Variants in JHY observed in about 807,000 individuals in gnomAD.
JHY encodes junctional cadherin complex regulator.
In JHY, 69 loss-of-function variants were observed where a neutral mutation model predicts 78.0. The ratio of observed to expected loss-of-function variants is 0.88; its 90% CI spans 0.73 to 1.08. The LOEUF is 1.08. JHY is among the 50% of genes least tolerant of loss of function. The pLI is 0.00. For synonymous variants in JHY, 368 were observed against 342.6 expected (o/e 1.07, Z -0.82); for missense variants, 944 against 927.8 (o/e 1.02, Z -0.23).
rs377280268 is a variant in JHY at position 122,933,469 on chromosome 11, A to G, written c.979-951A>G. Among the ~76,000 whole-genome samples, 13 of 152,246 alleles carry G rather than the reference A, an allele frequency of 8.5e-5. No homozygotes were observed. The East Asian group carries it at 1.5e-3, about 18-fold the overall frequency. Reference sequence around the variant, plus strand: ...TCCTTGGAAAATATTTCTAAATGGCAATAGCACAATATAGTTACATAGTGT... The same window carrying G: ...TCCTTGGAAAATATTTCTAAATGGCGATAGCACAATATAGTTACATAGTGT... On this transcript the variant is annotated intron_variant, in intron 4 of 8. Coordinates refer to ENST00000227349, the MANE Select transcript of JHY (RefSeq NM_024806.4).
intron 8 of JHY, 30 bp from the exon 9 acceptor site, chr11:122,959,218 T>G (rs1464324058): frequency 6.3e-7 from 1 of 1,588,010 alleles, no homozygotes; most frequent in African/African-American, 1.4e-5. Flanking sequence ...ACTTCCCATT[T>G]CAAATAAAAT....
In JHY at chr11:122,935,245, T is replaced by C. The variant is rs1198920737; in HGVS notation, c.1634+170T>C. Among the ~76,000 whole-genome samples the C allele has an allele frequency of 1.3e-5, 2 of 151,994 alleles. No homozygotes were observed. Among genetic ancestry groups the C allele is most frequent in the African/African-American group, 4.8e-5 (2 of 41,378 alleles). On this transcript the variant is annotated intron_variant, in intron 5 of 8. Coordinates refer to ENST00000227349, the MANE Select transcript of JHY (RefSeq NM_024806.4). This position sits in a 1 kb window ranked among gnomAD's most constrained non-coding sequence, Gnocchi z 4.5. ...TTCCTGCCTCAAAGAGTCCACTTTTTTTTTTTTTAGACAGATTCTTGCTCT... is the reference window on the plus strand; with the variant it reads ...TTCCTGCCTCAAAGAGTCCACTTTTCTTTTTTTTAGACAGATTCTTGCTCT...
At chr11:122,937,654 T>C (rs531726927) in intron 5 of JHY, among the ~76,000 whole-genome samples, 1 of 152,244 alleles carries the variant, frequency 6.6e-6, no homozygotes, top group African/African-American at 2.4e-5. Context: ...CACACCTGTT[T>C]TCTGACTGCG....
At chr11:122,916,406 T>C (rs1410190050) in intron 3 of JHY, among the ~76,000 whole-genome samples, 1 of 152,196 alleles carries the variant, frequency 6.6e-6, no homozygotes, top group African/African-American at 2.4e-5. Flanking sequence ...TTAACGTATA[T>C]AAATATACAC....
rs1445329633 is a variant in JHY, at chr11:122,883,014, C to T, written c.-90+42C>T. The T allele has an allele frequency of 2.0e-5, 3 of 152,826 alleles. No homozygotes were observed. Among genetic ancestry groups the T allele is most frequent in the Non-Finnish European group, 4.4e-5 (3 of 68,050 alleles). 9.5% of individuals were successfully genotyped at this position (152,826 alleles called of 1,614,324 possible). On this transcript the variant is annotated intron_variant, in intron 1 of 8. Transcript: ENST00000227349. This position sits in a 1 kb window ranked among gnomAD's most constrained non-coding sequence, Gnocchi z 4.4. ...TCCCGGATCTGGGGTGGGCGGCGCG[C>T]CCGGGGAGGGAAACGGGAAGGGCTT... is the stretch of plus-strand genomic sequence containing the variant.
intron 2 of JHY, among the ~76,000 whole-genome samples, chr11:122,899,811 T>C (rs953355493): frequency 7.9e-5 from 12 of 152,196 alleles, no homozygotes; most frequent in Admixed American, 5.2e-4. Context: ...GATTTATAGA[T>C]GAGAAAAACT....
intron 2 of JHY, among the ~76,000 whole-genome samples, chr11:122,895,536 A>G (rs3107619): frequency 0.95 from 144,019 of 152,290 alleles, 68,178 homozygotes; most frequent in Middle Eastern, 0.98. Flanking sequence ...AGTTATCACA[A>G]TAAGTACTCA....
Position 122,956,486 on chromosome 11 carries a change from G to C in JHY, c.1930-10G>C, listed in dbSNP as rs757689302. ...CTTAAAAGAAACTGTTTCTGTGGTT[G>C]TATTTTTAGAACACCAAGCTGAAAG... On this transcript the variant is annotated splice_polypyrimidine_tract_variant and intron_variant, in intron 6 of 8. Transcript: ENST00000227349. 3 of 1,612,542 alleles carry C rather than the reference G, an allele frequency of 1.9e-6. No homozygotes were observed. Among genetic ancestry groups the C allele is most frequent in the Non-Finnish European group, 1.7e-6 (2 of 1,179,002 alleles).
chr11:122,904,901 C>T (rs1314342279), intron 3 of JHY, among the ~76,000 whole-genome samples: 4 of 152,070 alleles, frequency 2.6e-5, no homozygotes, highest in Non-Finnish European at 4.4e-5. Context: ...TGTTAAATGC[C>T]CCAGCACATT....
chr11:122,930,660 A>G (rs1863617965), intron 4 of JHY, among the ~76,000 whole-genome samples: 1 of 152,174 alleles, frequency 6.6e-6, no homozygotes, highest in African/African-American at 2.4e-5. Context: ...ACCTTGCTAC[A>G]TAGGCCTTAG....
rs1159625404 is a variant in JHY at position 122,883,016 on chromosome 11, C to G, written c.-90+44C>G. ...CCGGATCTGGGGTGGGCGGCGCGCCCGGGGAGGGAAACGGGAAGGGCTTAC... is the reference window on the plus strand; with the variant it reads ...CCGGATCTGGGGTGGGCGGCGCGCCGGGGGAGGGAAACGGGAAGGGCTTAC... On this transcript the variant is annotated intron_variant, in intron 1 of 8. Coordinates refer to ENST00000227349, the MANE Select transcript of JHY (RefSeq NM_024806.4). This position sits in a 1 kb window ranked among gnomAD's most constrained non-coding sequence, Gnocchi z 4.4. 1 of 152,792 alleles carries G rather than the reference C, an allele frequency of 6.5e-6. No homozygotes were observed. The highest frequency in any genetic ancestry group is 1.5e-5 in the Non-Finnish European group (1 of 68,046). The allele number at this position is 152,792 out of a possible 1,614,324, so 9.5% of individuals were successfully genotyped here.
At chr11:122,910,887 A>T (rs1432568288) in intron 3 of JHY, among the ~76,000 whole-genome samples, 1 of 152,186 alleles carries the variant, frequency 6.6e-6, no homozygotes, top group African/African-American at 2.4e-5. Context: ...ATTAACATAC[A>T]TTGGAAAAAT....
chr11:122,950,139 C>T (rs763211413), intron 6 of JHY, among the ~76,000 whole-genome samples: 4 of 151,970 alleles, frequency 2.6e-5, no homozygotes, highest in South Asian at 2.1e-4. Context: ...CAGCTACAAA[C>T]GTGTTTTTTT....
chr11:122,924,029 G>A (rs938184288), intron 3 of JHY, among the ~76,000 whole-genome samples: 2 of 151,806 alleles, frequency 1.3e-5, no homozygotes, highest in Non-Finnish European at 1.5e-5. Flanking sequence ...GAGCCACTGC[G>A]CCTGGACTTT....
Position 122,890,046 on chromosome 11 carries a change from C to T in JHY, c.344+3853C>T, listed in dbSNP as rs1290581613. ...ACAGGCGTGAACCACCACTCCCGGC[C>T]CCAGTTTCTTGTTTTTTTTTTTCCA... On this transcript the variant is annotated intron_variant, in intron 2 of 8. Transcript: ENST00000227349. Among the ~76,000 whole-genome samples, 4 of 116,626 alleles carry T rather than the reference C, an allele frequency of 3.4e-5. No homozygotes were observed. The South Asian group carries it at 7.8e-4, about 23-fold the overall frequency. 76.5% of individuals were successfully genotyped at this position (116,626 alleles called of 152,430 possible).
At chr11:122,916,784 G>A (rs535428883) in intron 3 of JHY, among the ~76,000 whole-genome samples, 2 of 151,984 alleles carry the variant, frequency 1.3e-5, no homozygotes, top group African/African-American at 2.4e-5. Flanking sequence ...GATTACAGGC[G>A]CCTGCCATGA....
At chr11:122,944,722 G>A (rs1029349967) in intron 5 of JHY, among the ~76,000 whole-genome samples, 1 of 152,060 alleles carries the variant, frequency 6.6e-6, no homozygotes, top group Non-Finnish European at 1.5e-5. Context: ...CTTTTAGCAA[G>A]TATGGTAAAT....
In JHY at chr11:122,962,910, AT is replaced by A. The variant is rs1864343273; in HGVS notation, c.*3468del. On this transcript the variant is annotated 3_prime_UTR_variant, in exon 9 of 9. Coordinates refer to ENST00000227349, the MANE Select transcript of JHY (RefSeq NM_024806.4). ...TTGAACACCAGGAATAGTACTTTTT[AT>A]TTGTCTATGGAAAGAGGTTGTCCTT... is the stretch of plus-strand genomic sequence containing the variant. Among the ~76,000 whole-genome samples, 1 of 152,040 alleles carries A rather than the reference AT, an allele frequency of 6.6e-6. No homozygotes were observed. Among genetic ancestry groups the A allele is most frequent in the Non-Finnish European group, 1.5e-5 (1 of 67,966 alleles).
At chr11:122,886,248 A>G (rs1445841877) in intron 2 of JHY, 55 bp downstream of exon 2, 1 of 1,491,452 alleles carries the variant, frequency 6.7e-7, no homozygotes, top group African/African-American at 1.4e-5. Context: ...ATCATTAGAT[A>G]ATTACTGTCG....
Sources: allele counts gnomAD v4.1 joint callset (sites outside exome capture counted in the v4.1 genomes callset), GRCh38; gene constraint gnomAD v4.1.1; non-coding constraint Gnocchi (gnomAD v3.1); transcripts MANE v1.5; gene names NCBI Gene and HGNC (gene_info 2026-07-23, HGNC 2026-07-21).